TVP23C: variants seen among roughly 807,000 people sequenced by gnomAD.
TVP23C encodes trans-golgi network vesicle protein 23 homolog C, also known as Golgi apparatus membrane protein TVP23 homolog C.
Under a neutral mutation model 28.7 loss-of-function variants are expected in TVP23C, and 19 were observed. The observed-to-expected ratio is 0.66, with a 90% CI of 0.46 to 0.97. The LOEUF (loss-of-function observed/expected upper bound fraction) is 0.97. Among genes scored for constraint, TVP23C ranks in the 50% least tolerant of loss-of-function variants. TVP23C has a pLI of 0.00. For synonymous variants in TVP23C, 68 were observed against 81.7 expected, an observed-to-expected ratio of 0.83 and a Z score of 0.90; for missense variants, 186 against 241.3, an observed-to-expected ratio of 0.77 and a Z score of 1.52.
Position 15,539,656 on chromosome 17 carries a change from A to G in TVP23C, c.*756T>C. On this transcript the variant is annotated 3_prime_UTR_variant, in exon 6 of 6. Coordinates refer to ENST00000518321, the MANE Select transcript of TVP23C (RefSeq NM_001135036.2). ...CTTTTCCCAAGAGATTTAACCAATA[A>G]TTATTTACCTATGACTACTACTCAT... is the stretch of plus-strand genomic sequence containing the variant. 2.0e-6 allele frequency: 2 copies of G among 985,202 alleles called. No homozygotes were observed. The highest frequency in any genetic ancestry group is 2.4e-6 in the Non-Finnish European group (2 of 829,894). 61.0% of individuals were successfully genotyped at this position (985,202 alleles called of 1,614,324 possible).
intron 5 of TVP23C, among the ~76,000 whole-genome samples, chr17:15,520,279 C>T (rs1444556692): frequency 1.3e-5 from 2 of 150,580 alleles, no homozygotes; most frequent in Non-Finnish European, 2.9e-5. Context: ...AGACAGTTTT[C>T]ATATTGCCCC....
At chr17:15,556,101 G>T (rs1337400693) in intron 1 of TVP23C, among the ~76,000 whole-genome samples, 2 of 151,994 alleles carry the variant, frequency 1.3e-5, no homozygotes, top group Non-Finnish European at 2.9e-5. Context: ...ATTTTTAGTT[G>T]AGACGGGGTT....
At position 15,502,831 on chromosome 17, in the gene TVP23C, T is replaced by TCTCC. The variant is rs753945301; in HGVS notation, c.*32_*33insGGAG. On this transcript the variant is annotated 3_prime_UTR_variant, in exon 6 of 6. Coordinates refer to the TVP23C transcript ENST00000225576. ...TCTCCTCTCTCTCTCTCTCTCTCTC[T>TCTCC]CCTGCGAGGAGCTTCAGATTTGTGG... The TCTCC allele has an allele frequency of 3.3e-6, 5 of 1,523,030 alleles. No homozygotes were observed. The African/African-American group carries it at 7.0e-5, about 21-fold the overall frequency. The allele number at this position is 1,523,030 out of a possible 1,614,324, so 94.3% of individuals were successfully genotyped here.
At chr17:15,542,558 A>G (rs1178550680) in intron 5 of TVP23C, among the ~76,000 whole-genome samples, 1 of 151,766 alleles carries the variant, frequency 6.6e-6, no homozygotes, top group Non-Finnish European at 1.5e-5. Context: ...CTCACTGCAA[A>G]CTCCGCCTCC....
downstream of TVP23C, among the ~76,000 whole-genome samples, chr17:15,535,610 A>G (rs2654276): frequency 6.6e-6 from 1 of 152,230 alleles, no homozygotes; most frequent in Non-Finnish European, 1.5e-5. Flanking sequence ...TAGGAGTGGA[A>G]TTTTACGTAG....
chr17:15,506,382 G>GT (rs1310916618), intron 5 of TVP23C, among the ~76,000 whole-genome samples: 3 of 152,096 alleles, frequency 2.0e-5, no homozygotes, highest in African/African-American at 4.8e-5. Flanking sequence ...TCGACACTCT[G>GT]TATCTAGCTG....
chr17:15,522,852 G>A (rs1376294612), intron 5 of TVP23C, among the ~76,000 whole-genome samples: 1 of 152,058 alleles, frequency 6.6e-6, no homozygotes. Flanking sequence ...AGACCAGCCT[G>A]ACCAACATGG....
chr17:15,524,780 G>A (rs1184813439), intron 5 of TVP23C, among the ~76,000 whole-genome samples: 1 of 152,140 alleles, frequency 6.6e-6, no homozygotes, highest in Non-Finnish European at 1.5e-5. Context: ...GGAAGGTTTT[G>A]CTGCTTGAAA....
chr17:15,502,935 C>T, exon 6 of TVP23C: 1 of 1,613,906 alleles, frequency 6.2e-7, no homozygotes, highest in East Asian at 2.2e-5. Context: ...GGACTCTCCC[C>T]ACCTCCCCTC....
intron 1 of TVP23C, chr17:15,562,982 T>TA (rs1184677603): frequency 1.7e-5 from 3 of 178,076 alleles, no homozygotes; most frequent in Non-Finnish European, 3.5e-5. Flanking sequence ...GGACTACAAT[T>TA]AACTCTAAGA....
intron 5 of TVP23C, among the ~76,000 whole-genome samples, chr17:15,523,801 G>A (rs1982591362): frequency 1.3e-5 from 2 of 151,930 alleles, no homozygotes; most frequent in African/African-American, 4.8e-5. Context: ...TTTTAGTAGA[G>A]ACGGGGATTC....
chr17:15,525,753 G>A (rs1263725365), intron 5 of TVP23C, among the ~76,000 whole-genome samples: 2 of 152,204 alleles, frequency 1.3e-5, no homozygotes, highest in Non-Finnish European at 2.9e-5. Flanking sequence ...TACAAAGGTG[G>A]TGTCCTAAGG....
chr17:15,545,916 C>T lies in TVP23C; in HGVS notation c.331G>A (p.Glu111Lys). ...ACAGTTTTATTCTCTTGAGAGGACT[C>T]CTATAAAAGAACATAAATTCAATTA... Reference protein sequence around the residue: ...KSHWVFESRKESSQENKTVSE... With the variant: ...KSHWVFESRKKSSQENKTVSE... The change falls in exon 5 of 6, where the codon GAG becomes AAG. Residue 111 changes from glutamate (E) to lysine (K), a missense_variant and splice_region_variant. Transcript: ENST00000518321. The T allele has an allele frequency of 1.3e-6, 2 of 1,599,980 alleles. No homozygotes were observed. The highest frequency in any genetic ancestry group is 1.3e-5 in the African/African-American group (1 of 74,110).
chr17:15,539,256 C>T lies in TVP23C; in HGVS notation c.*1156G>A. 5 of 985,332 alleles carry T rather than the reference C, an allele frequency of 5.1e-6. No individual in the cohort carries two copies. The highest frequency in any genetic ancestry group is 6.0e-6 in the Non-Finnish European group (5 of 829,872). 61.0% of individuals were successfully genotyped at this position (985,332 alleles called of 1,614,324 possible). On this transcript the variant is annotated 3_prime_UTR_variant, in exon 6 of 6. Transcript: ENST00000518321. The stretch of plus-strand genomic sequence containing the variant: ...TTCGAGTTTAAGAATCCCTGTCCTA[C>T]ATAATATCACTTGCCCAACCTACTG...
At chr17:15,555,513 A>T in intron 1 of TVP23C, 149 bp from the exon 2 acceptor site, 1 of 1,313,300 alleles carries the variant, frequency 7.6e-7, no homozygotes, top group Non-Finnish European at 1.0e-6. Flanking sequence ...GGACACATGC[A>T]GATCCTCCAC....
Position 15,539,109 on chromosome 17 carries a change from C to T in TVP23C, c.*1303G>A. The T allele has an allele frequency of 1.0e-6, 1 of 968,960 alleles. No individual in the cohort carries two copies. Among genetic ancestry groups the T allele is most frequent in the Non-Finnish European group, 1.2e-6 (1 of 815,140 alleles). The allele number at this position is 968,960 out of a possible 1,614,324, so 60.0% of individuals were successfully genotyped here. A position where few individuals can be genotyped will look rare whatever the true frequency, so the allele number is the denominator to read the frequency against. ...AATGTAATCCCTGGACCAGTGCCCT[C>T]AGTACCACCCAGAAACTTGGGAGAA... On this transcript the variant is annotated 3_prime_UTR_variant, in exon 6 of 6. Coordinates refer to ENST00000518321, the MANE Select transcript of TVP23C (RefSeq NM_001135036.2).
At chr17:15,522,837 G>C (rs1412894054) in intron 5 of TVP23C, among the ~76,000 whole-genome samples, 1 of 149,968 alleles carries the variant, frequency 6.7e-6, no homozygotes, top group African/African-American at 2.4e-5. Context: ...GAGGTCAGGA[G>C]TTCCAGACCA....
intron 5 of TVP23C, among the ~76,000 whole-genome samples, chr17:15,522,999 G>A (rs1353401745): frequency 2.0e-5 from 3 of 152,000 alleles, no homozygotes; most frequent in African/African-American, 4.8e-5. Context: ...TAAAAGTGAA[G>A]TTATAGAGCA....
At chr17:15,503,000 T>C (rs1424424079) in exon 6 of TVP23C, 5 of 1,614,038 alleles carry the variant, frequency 3.1e-6, no homozygotes, top group Non-Finnish European at 4.2e-6. Flanking sequence ...CTGTTGGCAG[T>C]TGCCTGGAGC....
Sources: allele counts gnomAD v4.1 joint callset (sites outside exome capture counted in the v4.1 genomes callset), GRCh38; gene constraint gnomAD v4.1.1; transcripts MANE v1.5; gene names NCBI Gene and HGNC (gene_info 2026-07-23, HGNC 2026-07-21).